Variants in MYO3B observed in about 807,000 individuals in gnomAD.
The protein encoded by MYO3B is myosin IIIB.
A neutral mutation model predicts 174.6 loss-of-function variants in MYO3B; 156 were observed. That is an observed-to-expected ratio of 0.89 (90% confidence interval 0.78 to 1.02). MYO3B has a LOEUF of 1.02. Ranked by LOEUF, MYO3B falls within the 50% of genes least tolerant of loss-of-function variation. The pLI, the probability that MYO3B is intolerant of heterozygous loss-of-function variation, is 0.00. For missense variants in MYO3B, 1,632 were observed against 1,639.4 expected, an observed-to-expected ratio of 1.00 and a Z score of 0.08; for synonymous variants, 563 against 569.1, an observed-to-expected ratio of 0.99 and a Z score of 0.15.
chr2:170,181,102 C>A (rs1164121612), intron 1 of MYO3B, among the ~76,000 whole-genome samples: 2 of 152,072 alleles, frequency 1.3e-5, no homozygotes, highest in Non-Finnish European at 2.9e-5. Context: ...TGTCTATCTA[C>A]TTCAAGTTTA....
At position 170,383,822 on chromosome 2, in the gene MYO3B, C is replaced by T. The variant is rs372024770; in HGVS notation, c.1290+8C>T. The T allele has an allele frequency of 5.0e-6, 8 of 1,598,854 alleles. No homozygotes were observed. In the African/African-American group the frequency reaches 9.4e-5, roughly 19 times the overall value. On this transcript the variant is annotated splice_region_variant and intron_variant, in intron 12 of 34. Coordinates refer to ENST00000408978, the MANE Select transcript of MYO3B (RefSeq NM_138995.5). ...ACTCTCAGCAAAGACCAGGTAAGAA[C>T]TCACCTTCCTTTCCTACGGAGTCAC...
chr2:170,184,023 AT>A (rs150712095), intron 1 of MYO3B, among the ~76,000 whole-genome samples: 4 of 151,258 alleles, frequency 2.6e-5, no homozygotes, highest in Admixed American at 1.3e-4. Context: ...CTAATAGCTG[AT>A]TTTTTTTCTG....
intron 3 of MYO3B, among the ~76,000 whole-genome samples, chr2:170,201,641 ATTAT>A (rs2092663242): frequency 6.6e-6 from 1 of 152,078 alleles, no homozygotes; most frequent in African/African-American, 2.4e-5. Flanking sequence ...TGGTTTTCTA[ATTAT>A]CTTTGTTCCT....
intron 32 of MYO3B, among the ~76,000 whole-genome samples, chr2:170,559,591 A>G (rs1691571407): frequency 6.6e-6 from 1 of 152,162 alleles, no homozygotes; most frequent in Admixed American, 6.5e-5. Context: ...AAAAGAACAG[A>G]TATATCTCTT....
intron 22 of MYO3B, among the ~76,000 whole-genome samples, chr2:170,432,055 T>C (rs1373189925): frequency 4.6e-5 from 7 of 152,240 alleles, no homozygotes; most frequent in Non-Finnish European, 7.3e-5. Flanking sequence ...GTGCAGTACA[T>C]AGCACTGAAT....
intron 30 of MYO3B, among the ~76,000 whole-genome samples, chr2:170,541,845 T>C (rs1648352462): frequency 6.6e-6 from 1 of 152,184 alleles, no homozygotes; most frequent in Non-Finnish European, 1.5e-5. Context: ...CACAAATAAA[T>C]ATAGAATTAT....
At chr2:170,471,481 G>A (rs954755717) in intron 25 of MYO3B, among the ~76,000 whole-genome samples, 1 of 152,094 alleles carries the variant, frequency 6.6e-6, no homozygotes, top group African/African-American at 2.4e-5. Context: ...CTAATCCAAT[G>A]TGACAAAGAT....
At chr2:170,487,525 G>A (rs553848643) in intron 25 of MYO3B, among the ~76,000 whole-genome samples, 3 of 152,194 alleles carry the variant, frequency 2.0e-5, no homozygotes, top group Admixed American at 1.3e-4. Flanking sequence ...TGACAACATG[G>A]TTATACCAAA....
At chr2:170,245,329 A>G (rs1189684734) in intron 7 of MYO3B, among the ~76,000 whole-genome samples, 1 of 152,186 alleles carries the variant, frequency 6.6e-6, no homozygotes, top group African/African-American at 2.4e-5. Flanking sequence ...ACGGTGAAAA[A>G]TGAATTATTT....
chr2:170,565,851 C>G (rs530880672), intron 32 of MYO3B, among the ~76,000 whole-genome samples: 1 of 152,282 alleles, frequency 6.6e-6, no homozygotes, highest in South Asian at 2.1e-4. Flanking sequence ...GAAAAATTAA[C>G]TGGGTTATCT....
chr2:170,482,848 A>G (rs758482267), intron 25 of MYO3B, among the ~76,000 whole-genome samples: 8 of 152,258 alleles, frequency 5.3e-5, no homozygotes, highest in Non-Finnish European at 8.8e-5. Flanking sequence ...TATAGGCTAA[A>G]GAGAACTTCT....
chr2:170,518,656 C>A (rs139738443), intron 29 of MYO3B, among the ~76,000 whole-genome samples: 17 of 152,292 alleles, frequency 1.1e-4, no homozygotes, highest in African/African-American at 4.1e-4. Context: ...TAACATGGAT[C>A]AAGGTCACCT....
intron 32 of MYO3B, among the ~76,000 whole-genome samples, chr2:170,599,063 A>C (rs1049031268): frequency 9.2e-5 from 14 of 152,140 alleles, no homozygotes; most frequent in African/African-American, 3.4e-4. Flanking sequence ...AGAGTGCTGT[A>C]TGGCTTGAAA....
chr2:170,233,328 CAG>C (rs2093033729), intron 6 of MYO3B, among the ~76,000 whole-genome samples: 1 of 152,216 alleles, frequency 6.6e-6, no homozygotes, highest in Non-Finnish European at 1.5e-5. Context: ...TGGGGAAGGA[CAG>C]AGTCTTATTT....
intron 22 of MYO3B, among the ~76,000 whole-genome samples, chr2:170,442,402 C>A (rs2094807242): frequency 6.6e-6 from 1 of 151,830 alleles, no homozygotes; most frequent in Non-Finnish European, 1.5e-5. Context: ...TGCTTATTTG[C>A]CCTTTGAGTA....
chr2:170,496,931 C>G (rs1686887157), intron 25 of MYO3B, among the ~76,000 whole-genome samples: 1 of 151,852 alleles, frequency 6.6e-6, no homozygotes, highest in South Asian at 2.1e-4. Context: ...CCTGGTGCCT[C>G]AACAAGTTAT....
intron 8 of MYO3B, among the ~76,000 whole-genome samples, chr2:170,336,150 G>T (rs1443095728): frequency 6.6e-6 from 1 of 151,946 alleles, no homozygotes; most frequent in Admixed American, 6.6e-5. Context: ...ACTGGAGGAG[G>T]TTACAGGGCC....
chr2:170,328,872 A>G (rs2093889176), intron 7 of MYO3B, among the ~76,000 whole-genome samples: 1 of 152,156 alleles, frequency 6.6e-6, no homozygotes, highest in African/African-American at 2.4e-5. Context: ...TATAAAAATT[A>G]TAAAAATTAA....
intron 7 of MYO3B, among the ~76,000 whole-genome samples, chr2:170,313,743 T>C (rs531437251): frequency 2.9e-4 from 44 of 152,128 alleles, no homozygotes; most frequent in Non-Finnish European, 5.4e-4. Flanking sequence ...GGCCACCCTC[T>C]CATCCCAGCA....
Sources: gnomAD v4.1 joint callset for allele counts (sites outside exome capture counted in the v4.1 genomes callset) on GRCh38, gnomAD v4.1.1 for gene constraint, MANE v1.5 for transcripts, NCBI Gene and HGNC (gene_info 2026-07-23, HGNC 2026-07-21) for gene names.